The following GABRB3 variants were observed in gnomAD, a reference collection of about 807,000 sequenced individuals.
The protein encoded by GABRB3 is gamma-aminobutyric acid receptor subunit beta-3.
A neutral mutation model predicts 52.1 loss-of-function variants in GABRB3; 14 were observed. The observed-to-expected ratio is 0.27, with a 90% CI of 0.18 to 0.42. The LOEUF (loss-of-function observed/expected upper bound fraction) is 0.42, where lower values mean the gene tolerates loss of function less well. GABRB3 is among the 10% of genes least tolerant of loss of function. The pLI is 1.00. For synonymous variants in GABRB3, 260 were observed against 232.3 expected (o/e 1.12, Z -1.08); for missense variants, 307 against 609.1 (o/e 0.50, Z 5.22).
intron 8 of GABRB3, among the ~76,000 whole-genome samples, chr15:26,556,821 G>A (rs1254299579): frequency 6.6e-6 from 1 of 152,128 alleles, no homozygotes; most frequent in African/African-American, 2.4e-5. Context: ...GTGTCCATAA[G>A]GGTACTGTTT....
At chr15:26,675,957 G>A (rs1459742619) in intron 3 of GABRB3, among the ~76,000 whole-genome samples, 1 of 152,178 alleles carries the variant, frequency 6.6e-6, no homozygotes, top group African/African-American at 2.4e-5. Context: ...ACACCCAAAG[G>A]TCAGGGCCCA....
intron 3 of GABRB3, among the ~76,000 whole-genome samples, chr15:26,763,498 T>C (rs1890876146): frequency 6.6e-6 from 1 of 152,110 alleles, no homozygotes; most frequent in South Asian, 2.1e-4. Flanking sequence ...TATGGATTTA[T>C]CTCTCACATA....
intron 3 of GABRB3, chr15:26,657,320 C>G (rs1887404929): frequency 6.6e-6 from 1 of 152,160 alleles, no homozygotes; most frequent in Non-Finnish European, 1.5e-5. Flanking sequence ...TCAGAGAAAA[C>G]TGGTGATCAA....
intron 3 of GABRB3, among the ~76,000 whole-genome samples, chr15:26,660,154 C>T (rs1887495063): frequency 6.6e-6 from 1 of 151,576 alleles, no homozygotes; most frequent in South Asian, 2.1e-4. Context: ...TGCTTGAACC[C>T]GGGAGGTGGA....
At chr15:26,686,271 T>C (rs1888402523) in intron 3 of GABRB3, among the ~76,000 whole-genome samples, 1 of 152,164 alleles carries the variant, frequency 6.6e-6, no homozygotes. Context: ...GTTCCTAAAA[T>C]ATGAATGACT....
At chr15:26,649,726 A>G (rs751238146) in intron 3 of GABRB3, among the ~76,000 whole-genome samples, 1 of 141,068 alleles carries the variant, frequency 7.1e-6, no homozygotes, top group Non-Finnish European at 1.5e-5. Context: ...GAGAGAGAGA[A>G]GATAAGTCGA....
At chr15:26,596,048 TG>T (rs976258965) in intron 4 of GABRB3, among the ~76,000 whole-genome samples, 29 of 152,138 alleles carry the variant, frequency 1.9e-4, no homozygotes, top group African/African-American at 6.7e-4. Context: ...CCTCAGCCTT[TG>T]GGGGTAGGCA....
intron 8 of GABRB3, among the ~76,000 whole-genome samples, chr15:26,553,884 T>A (rs1460357648): frequency 6.6e-6 from 1 of 150,758 alleles, no homozygotes; most frequent in Non-Finnish European, 1.5e-5. Context: ...TGATAATTAT[T>A]ACTTTTTAGA....
At chr15:26,604,752 T>G (rs577427585) in intron 4 of GABRB3, among the ~76,000 whole-genome samples, 7 of 152,210 alleles carry the variant, frequency 4.6e-5, no homozygotes, top group Non-Finnish European at 2.9e-5. Context: ...TCGCACCTTA[T>G]ATAAAAATCA....
intron 8 of GABRB3, among the ~76,000 whole-genome samples, chr15:26,560,137 T>C (rs1048184623): frequency 2.0e-5 from 3 of 152,212 alleles, no homozygotes; most frequent in African/African-American, 7.2e-5. Flanking sequence ...ACAGGTTTTG[T>C]TCTCTTTGTA....
chr15:26,732,295 T>C (rs1410197550), intron 3 of GABRB3, among the ~76,000 whole-genome samples: 2 of 42,694 alleles, frequency 4.7e-5, no homozygotes, highest in Non-Finnish European at 4.5e-5. Flanking sequence ...GATGGATAGA[T>C]GGATGGATGG....
intron 3 of GABRB3, among the ~76,000 whole-genome samples, chr15:26,726,563 G>A (rs908889814): frequency 1.3e-5 from 2 of 152,146 alleles, no homozygotes; most frequent in South Asian, 2.1e-4. Context: ...GAGGAGTTCC[G>A]ACAAGGTATC....
chr15:26,670,163 C>A (rs1052421821), intron 3 of GABRB3, among the ~76,000 whole-genome samples: 4 of 152,204 alleles, frequency 2.6e-5, no homozygotes, highest in African/African-American at 7.2e-5. Context: ...GAGACCGCTA[C>A]GCCCCAACGC....
intron 4 of GABRB3, among the ~76,000 whole-genome samples, chr15:26,606,788 C>CAATAGATAGA (rs369220407): frequency 1.7e-5 from 2 of 115,212 alleles, no homozygotes; most frequent in African/African-American, 5.6e-5. Context: ...ATAGATATAT[C>CAATAGATAGA]TATAGATAGA....
rs1325980184 is a variant in GABRB3 at position 26,597,586 on chromosome 15, G to C, written c.462-14172C>G. On this transcript the variant is annotated intron_variant, in intron 4 of 8. Coordinates refer to ENST00000311550, the MANE Select transcript of GABRB3 (RefSeq NM_000814.6). The stretch of plus-strand genomic sequence containing the variant: ...GATTTATCATGGATCCTCTACAATA[G>C]AGCTGCCTAGATGAGCAGAGAAATG... 3.3e-5 allele frequency among the ~76,000 whole-genome samples: 5 copies of C among 152,246 alleles called. No homozygotes were observed. The East Asian group carries it at 9.7e-4, about 29-fold the overall frequency.
chr15:26,621,439 C>G lies in GABRB3; in HGVS notation c.336G>C (p.Val112=). 1 of 1,614,150 alleles carries G rather than the reference C, an allele frequency of 6.2e-7. No homozygotes were observed. The highest frequency in any genetic ancestry group is 1.1e-5 in the South Asian group (1 of 91,074). The part of the protein sequence containing the change: ...IPLNLTLDNR[V]ADQLWVPDTY... ...TGTCGGGCACCCATAGCTGGTCAGC[C>G]ACTCGATTGTCAAGCGTGAGGTTGA... The change falls in exon 4 of 9, where the codon GTG becomes GTC. Residue 112 remains valine, a synonymous_variant. Coordinates refer to ENST00000311550, the MANE Select transcript of GABRB3 (RefSeq NM_000814.6). This position sits in a 1 kb window ranked among gnomAD's most constrained non-coding sequence, Gnocchi z 4.1.
intron 3 of GABRB3, among the ~76,000 whole-genome samples, chr15:26,644,864 G>T (rs1348823894): frequency 1.3e-5 from 2 of 152,222 alleles, no homozygotes; most frequent in East Asian, 3.8e-4. Flanking sequence ...ACATCAGCAT[G>T]TGATGGAGAC....
chr15:26,661,001 G>T (rs1887525149), intron 3 of GABRB3, among the ~76,000 whole-genome samples: 1 of 152,016 alleles, frequency 6.6e-6, no homozygotes, highest in African/African-American at 2.4e-5. Flanking sequence ...GCCCAGGCTG[G>T]TCCTGAACTC....
intron 8 of GABRB3, among the ~76,000 whole-genome samples, chr15:26,554,195 A>T (rs1160818170): frequency 2.4e-4 from 17 of 71,176 alleles, no homozygotes; most frequent in Non-Finnish European, 4.1e-4. Flanking sequence ...TATATACTAT[A>T]TATATATATA....
Sources: allele counts gnomAD v4.1 joint callset (sites outside exome capture counted in the v4.1 genomes callset), GRCh38; gene constraint gnomAD v4.1.1; non-coding constraint Gnocchi (gnomAD v3.1); transcripts MANE v1.5; gene names NCBI Gene and HGNC (gene_info 2026-07-23, HGNC 2026-07-21).